ANKH: variants seen among roughly 807,000 people sequenced by gnomAD.
The protein encoded by ANKH is ANKH inorganic pyrophosphate transport regulator, also known as mineralization regulator ANKH.
ANKH carries 15 observed loss-of-function variants against 49.0 expected under a neutral mutation model. The observed-to-expected ratio is 0.31, with a 90% confidence interval of 0.20 to 0.47. The LOEUF (loss-of-function observed/expected upper bound fraction) is 0.47, where lower values mean the gene tolerates loss of function less well. Ranked by LOEUF, ANKH falls within the 20% of genes least tolerant of loss-of-function variation. The pLI, the probability that ANKH is intolerant of heterozygous loss-of-function variation, is 1.00. For synonymous variants in ANKH, 273 were observed against 260.0 expected, an observed-to-expected ratio of 1.05 and a Z score of -0.48; for missense variants, 429 against 652.0, an observed-to-expected ratio of 0.66 and a Z score of 3.72.
At chr5:14,854,061 T>G (rs1393916639) in intron 1 of ANKH, among the ~76,000 whole-genome samples, 1 of 152,204 alleles carries the variant, frequency 6.6e-6, no homozygotes, top group East Asian at 1.9e-4. Context: ...TATTCATAAA[T>G]AGTTTTGAAT....
intron 1 of ANKH, among the ~76,000 whole-genome samples, chr5:14,806,540 G>A (rs1197551848): frequency 6.6e-6 from 1 of 152,054 alleles, no homozygotes; most frequent in Non-Finnish European, 1.5e-5. Context: ...GGTGGTCAGG[G>A]GAGTGGCTGT....
At chr5:14,763,948 G>A (rs2126503827) in intron 2 of ANKH, among the ~76,000 whole-genome samples, 1 of 152,260 alleles carries the variant, frequency 6.6e-6, no homozygotes, top group Admixed American at 6.5e-5. Flanking sequence ...AATTAGCTGG[G>A]TGAGGTGGCA....
chr5:14,746,226 C>G (rs965536695), intron 6 of ANKH, among the ~76,000 whole-genome samples: 1 of 151,792 alleles, frequency 6.6e-6, no homozygotes, highest in Non-Finnish European at 1.5e-5. Flanking sequence ...GAGGGGGATG[C>G]GTCACATTTT....
intron 1 of ANKH, among the ~76,000 whole-genome samples, chr5:14,810,156 T>C (rs901607782): frequency 7.1e-6 from 1 of 140,040 alleles, no homozygotes; most frequent in African/African-American, 2.6e-5. Context: ...ATAAAAACGA[T>C]TGACTTTTTT....
intron 4 of ANKH, 112 bp downstream of exon 4, chr5:14,755,749 C>G: frequency 1.0e-6 from 1 of 1,002,858 alleles, no homozygotes. Flanking sequence ...GCTGGCAAAA[C>G]CAGGTCGAAT....
chr5:14,744,737 G>C (rs1342952145), intron 7 of ANKH, among the ~76,000 whole-genome samples: 1 of 152,250 alleles, frequency 6.6e-6, no homozygotes, highest in Non-Finnish European at 1.5e-5. Flanking sequence ...AAGGTGTGGT[G>C]GGGGAGAGGG....
At chr5:14,787,674 T>C (rs138655131) in intron 1 of ANKH, among the ~76,000 whole-genome samples, 1 of 152,334 alleles carries the variant, frequency 6.6e-6, no homozygotes, top group East Asian at 1.9e-4. Context: ...AAATGCCTAA[T>C]TTTCTAGGGT....
chr5:14,849,742 C>T (rs1397030034), intron 1 of ANKH, among the ~76,000 whole-genome samples: 2 of 152,162 alleles, frequency 1.3e-5, no homozygotes, highest in African/African-American at 2.4e-5. Context: ...ATAGCTGTGC[C>T]GGACGATCCC....
intron 1 of ANKH, among the ~76,000 whole-genome samples, chr5:14,865,785 T>G (rs957429594): frequency 2.0e-5 from 3 of 152,258 alleles, no homozygotes; most frequent in African/African-American, 7.2e-5. Flanking sequence ...CTATTTTTCC[T>G]GGGCTTCTCT....
At chr5:14,764,796 A>G (rs1260132394) in intron 2 of ANKH, among the ~76,000 whole-genome samples, 1 of 152,264 alleles carries the variant, frequency 6.6e-6, no homozygotes, top group Admixed American at 6.5e-5. Flanking sequence ...GAACTGGTCC[A>G]GAAATTATTC....
chr5:14,777,551 C>T (rs569972237), intron 1 of ANKH, among the ~76,000 whole-genome samples: 4 of 152,196 alleles, frequency 2.6e-5, no homozygotes, highest in East Asian at 1.9e-4. Flanking sequence ...CTAAAAGAGA[C>T]GCCAACATTG....
At chr5:14,809,015 T>C (rs1399862140) in intron 1 of ANKH, among the ~76,000 whole-genome samples, 33 of 109,492 alleles carry the variant, frequency 3.0e-4, no homozygotes, top group Admixed American at 1.1e-3. Context: ...TAAAAAATGA[T>C]GAGTTCATGT....
At chr5:14,844,282 C>T (rs1413547906) in intron 1 of ANKH, among the ~76,000 whole-genome samples, 37 of 152,224 alleles carry the variant, frequency 2.4e-4, no homozygotes, top group Non-Finnish European at 2.9e-5. Context: ...AATAGGCATG[C>T]TTATTTTCTA....
intron 1 of ANKH, among the ~76,000 whole-genome samples, chr5:14,846,214 G>T (rs545858691): frequency 3.9e-5 from 6 of 152,126 alleles, no homozygotes; most frequent in Non-Finnish European, 8.8e-5. Context: ...TGGTAAATAT[G>T]CATAAGGCAG....
At chr5:14,738,424 C>T (rs917482029) in intron 8 of ANKH, among the ~76,000 whole-genome samples, 5 of 152,146 alleles carry the variant, frequency 3.3e-5, no homozygotes, top group African/African-American at 1.2e-4. Context: ...TCTCAAAAGA[C>T]TCAGGGATAA....
intron 1 of ANKH, among the ~76,000 whole-genome samples, chr5:14,795,340 T>C (rs1740339238): frequency 6.6e-6 from 1 of 152,184 alleles, no homozygotes; most frequent in Non-Finnish European, 1.5e-5. Context: ...GAACATTTTC[T>C]GCATTTGGAA....
chr5:14,750,979 G>A, intron 5 of ANKH, 90 bp downstream of exon 5: 1 of 1,521,912 alleles, frequency 6.6e-7, no homozygotes, highest in Non-Finnish European at 9.1e-7. Context: ...ATGTTTTGAT[G>A]TCACTGATTT....
chr5:14,710,616 C>T lies in ANKH; in HGVS notation c.*581G>A, dbSNP rs1035342021. The T allele has an allele frequency of 5.6e-5, 9 of 160,506 alleles. No individual in the cohort carries two copies. The highest frequency in any genetic ancestry group is 5.3e-4 in the South Asian group (3 of 5,702). The allele number at this position is 160,506 out of a possible 1,614,324, so 9.9% of individuals were successfully genotyped here. A position where few individuals can be genotyped will look rare whatever the true frequency, so the allele number is the denominator to read the frequency against. ...ACAGGTCTCCGTTCCTCAGTGTGAA[C>T]GGGGACTCCGGGCTGCAGCGTGCCA... On this transcript the variant is annotated 3_prime_UTR_variant, in exon 12 of 12. Coordinates refer to ENST00000284268, the MANE Select transcript of ANKH (RefSeq NM_054027.6).
chr5:14,759,359 T>G (rs1162032585), intron 2 of ANKH, among the ~76,000 whole-genome samples: 3 of 152,232 alleles, frequency 2.0e-5, no homozygotes, highest in African/African-American at 4.8e-5. Flanking sequence ...AAAGGTCTCC[T>G]AATGTATTAG....
Sources: allele counts gnomAD v4.1 joint callset (sites outside exome capture counted in the v4.1 genomes callset), GRCh38; gene constraint gnomAD v4.1.1; transcripts MANE v1.5; gene names NCBI Gene and HGNC (gene_info 2026-07-23, HGNC 2026-07-21).